Variants in RP1 observed in about 807,000 individuals in gnomAD.
RP1 encodes oxygen-regulated protein 1.
In RP1, 16 loss-of-function variants were observed where a neutral mutation model predicts 14.8. The observed-to-expected ratio is 1.08, with a 90% CI of 0.73 to 1.65. RP1 has a LOEUF of 1.65. Among genes scored for constraint, RP1 ranks in the 40% most tolerant of loss-of-function variants. The pLI is 0.00. For missense variants in RP1, 2,631 were observed against 2,535.0 expected, an observed-to-expected ratio of 1.04 and a Z score of -0.81; for synonymous variants, 876 against 883.6, an observed-to-expected ratio of 0.99 and a Z score of 0.15.
At chr8:54,648,988 G>C in exon 4 of RP1, 6 of 1,503,234 alleles carry the variant, frequency 4.0e-6, no homozygotes, top group Non-Finnish European at 5.3e-6. Context: ...TTTATAGGTA[G>C]TAACTGGAAA....
chr8:54,802,253 G>A (rs74722311), intron 24 of RP1, among the ~76,000 whole-genome samples: 4,364 of 152,212 alleles, frequency 0.029, 120 homozygotes, highest in African/African-American at 0.064. Flanking sequence ...GCCTTGTAAT[G>A]TATTTATTAT....
At chr8:54,610,472 G>A (rs1042139335) in intron 1 of RP1, among the ~76,000 whole-genome samples, 6 of 151,994 alleles carry the variant, frequency 3.9e-5, no homozygotes, top group Non-Finnish European at 1.5e-5. Flanking sequence ...TATACCTTTA[G>A]CTTGAACCTT....
chr8:54,778,137 A>G (rs907452367), intron 23 of RP1, among the ~76,000 whole-genome samples: 5 of 152,162 alleles, frequency 3.3e-5, no homozygotes, highest in Admixed American at 3.3e-4. Flanking sequence ...CACTGAGAAT[A>G]CAGAGACATT....
Position 54,622,132 on chromosome 8 carries a change from G to T in RP1, c.631G>T (p.Ala211Ser). Residue 211 changes from alanine to serine, a missense_variant, in exon 3 of 4, where the codon GCA becomes TCA. Physicochemically the swap from Ala to Ser is moderately conservative, Grantham distance 99. Transcript: ENST00000220676. ...TDGRRVPSLQ[A>S]VILSSGAVVA... ...TCTCTTTTAGGTTCCCAGCCTCCAGGCAGTGATCCTGAGCTCTGGAGCTGT... is the reference window on the plus strand; with the variant it reads ...TCTCTTTTAGGTTCCCAGCCTCCAGTCAGTGATCCTGAGCTCTGGAGCTGT... 1 of 1,614,152 alleles carries T rather than the reference G, an allele frequency of 6.2e-7. No homozygotes were observed. The highest frequency in any genetic ancestry group is 8.5e-7 in the Non-Finnish European group (1 of 1,180,016).
chr8:54,601,598 GAA>G (rs1296926931), intron 1 of RP1, among the ~76,000 whole-genome samples: 22 of 93,674 alleles, frequency 2.3e-4, no homozygotes, highest in African/African-American at 7.8e-4. Flanking sequence ...AAAAAACTTA[GAA>G]AAAAAAAAAA....
At chr8:54,734,479 G>A in intron 17 of RP1, 1 of 1,427,940 alleles carries the variant, frequency 7.0e-7, no homozygotes, top group Non-Finnish European at 9.3e-7. Context: ...TGGCTCCAGT[G>A]TGACAAAGGA....
intron 12 of RP1, among the ~76,000 whole-genome samples, chr8:54,691,389 G>A (rs997164276): frequency 1.3e-5 from 2 of 152,142 alleles, no homozygotes; most frequent in East Asian, 1.9e-4. Context: ...ACTAACTGAA[G>A]AAATAAATCT....
intron 12 of RP1, among the ~76,000 whole-genome samples, chr8:54,686,922 A>G (rs1807577112): frequency 6.6e-6 from 1 of 152,164 alleles, no homozygotes. Context: ...AAATATTTAC[A>G]ATATATTACA....
intron 6 of RP1, among the ~76,000 whole-genome samples, chr8:54,657,661 G>T (rs1366931281): frequency 2.0e-5 from 3 of 151,988 alleles, no homozygotes; most frequent in Non-Finnish European, 4.4e-5. Context: ...ATGAAAGCTG[G>T]ATTAATGTCT....
chr8:54,583,128 C>G (rs1333131159), intron 1 of RP1, among the ~76,000 whole-genome samples: 1 of 152,132 alleles, frequency 6.6e-6, no homozygotes, highest in African/African-American at 2.4e-5. Flanking sequence ...ATGATATTGG[C>G]TTTGGGTTTG....
intron 12 of RP1, chr8:54,696,979 C>T (rs1187698509): frequency 1.7e-5 from 23 of 1,353,702 alleles, no homozygotes; most frequent in Admixed American, 1.7e-5. Context: ...AAATTGCCTT[C>T]CCAGGGAATC....
chr8:54,741,814 G>C (rs1466682132), intron 19 of RP1, among the ~76,000 whole-genome samples: 3 of 140,556 alleles, frequency 2.1e-5, no homozygotes, highest in Non-Finnish European at 4.6e-5. Context: ...TTGAGATCCT[G>C]GTTTTTTTAT....
intron 1 of RP1, among the ~76,000 whole-genome samples, chr8:54,583,914 G>A (rs1804855920): frequency 6.6e-6 from 1 of 152,106 alleles, no homozygotes; most frequent in Admixed American, 6.6e-5. Flanking sequence ...AGTCTTGCTA[G>A]TGGTCTATCA....
chr8:54,606,509 C>T (rs1427124830), intron 1 of RP1, among the ~76,000 whole-genome samples: 3 of 152,116 alleles, frequency 2.0e-5, no homozygotes, highest in African/African-American at 7.2e-5. Flanking sequence ...CTGAATCTGA[C>T]AATTATGTGT....
chr8:54,718,595 G>C (rs1407896457), intron 15 of RP1, among the ~76,000 whole-genome samples: 8 of 152,122 alleles, frequency 5.3e-5, no homozygotes, highest in Non-Finnish European at 5.9e-5. Flanking sequence ...ACCCCAAACT[G>C]GAAACAACCA....
chr8:54,611,269 T>C (rs572798171), upstream of RP1, among the ~76,000 whole-genome samples: 81 of 152,314 alleles, frequency 5.3e-4, no homozygotes, highest in African/African-American at 1.8e-3. Flanking sequence ...GGCCATTTTT[T>C]CTTCAAATAT....
chr8:54,847,396 A>T (rs780813884), intron 25 of RP1, among the ~76,000 whole-genome samples: 1 of 152,180 alleles, frequency 6.6e-6, no homozygotes, highest in Non-Finnish European at 1.5e-5. Context: ...AAAAAGAAAA[A>T]TGTAGGGAAG....
At chr8:54,563,455 C>T (rs1045483582) in intron 1 of RP1, among the ~76,000 whole-genome samples, 9 of 152,202 alleles carry the variant, frequency 5.9e-5, no homozygotes, top group Admixed American at 3.3e-4. Flanking sequence ...ATCTCCCTTG[C>T]AGAGGTGCTT....
intron 12 of RP1, chr8:54,680,006 G>C (rs1377892221): frequency 6.8e-7 from 1 of 1,466,304 alleles, no homozygotes; most frequent in Non-Finnish European, 9.0e-7. Flanking sequence ...TCTAGACACA[G>C]TTTAATTTAT....
Sources: allele counts gnomAD v4.1 joint callset (sites outside exome capture counted in the v4.1 genomes callset), GRCh38; gene constraint gnomAD v4.1.1; transcripts MANE v1.5; gene names NCBI Gene and HGNC (gene_info 2026-07-23, HGNC 2026-07-21).